SPPL2B: variants seen among roughly 807,000 people sequenced by gnomAD.
The protein encoded by SPPL2B is signal peptide peptidase like 2B.
A neutral mutation model predicts 59.7 loss-of-function variants in SPPL2B; 39 were observed. The observed-to-expected ratio is 0.65, with a 90% CI of 0.51 to 0.85. SPPL2B has a LOEUF of 0.85. Ranked by LOEUF, SPPL2B falls within the 40% of genes least tolerant of loss-of-function variation. The probability of loss-of-function intolerance (pLI) is 0.00; values close to 1 mark genes in which losing one functional copy is unlikely to be tolerated. For missense variants in SPPL2B, 865 were observed against 849.0 expected (o/e 1.02, Z -0.23); for synonymous variants, 419 against 370.8 (o/e 1.13, Z -1.49).
In SPPL2B at chr19:2,339,813, T is replaced by A; in HGVS notation, c.600-11T>A. Reference sequence around the variant, plus strand: ...GCCCCAGGGCCCCACGACCCCATGGTGTCTCCCAAGAAGGTACATGAAGCA... The same window carrying A: ...GCCCCAGGGCCCCACGACCCCATGGAGTCTCCCAAGAAGGTACATGAAGCA... On this transcript the variant is annotated splice_polypyrimidine_tract_variant and intron_variant, in intron 5 of 14. Transcript: ENST00000613503. 6.2e-7 allele frequency: 1 copy of A among 1,603,420 alleles called. No individual in the cohort carries two copies. Among genetic ancestry groups the A allele is most frequent in the Non-Finnish European group, 8.5e-7 (1 of 1,175,282 alleles).
At chr19:2,330,937 C>T (rs1968253071) in intron 1 of SPPL2B, among the ~76,000 whole-genome samples, 1 of 152,122 alleles carries the variant, frequency 6.6e-6, no homozygotes, top group African/African-American at 2.4e-5. Context: ...CCTGAGACGC[C>T]TGTCCCTGGA....
chr19:2,343,916 G>T, intron 9 of SPPL2B, 49 bp from the exon 10 acceptor site: 1 of 1,412,752 alleles, frequency 7.1e-7, no homozygotes. Context: ...ATGGGAGTGG[G>T]GGAGGCACGG....
intron 2 of SPPL2B, among the ~76,000 whole-genome samples, chr19:2,335,105 C>T (rs553623173): frequency 3.3e-5 from 5 of 152,264 alleles, no homozygotes; most frequent in Admixed American, 1.3e-4. Flanking sequence ...GACTGGGGCA[C>T]TAACACCTGC....
At chr19:2,334,831 C>T (rs1276511970) in intron 2 of SPPL2B, 110 bp downstream of exon 2, 2 of 1,367,268 alleles carry the variant, frequency 1.5e-6, no homozygotes, top group African/African-American at 3.0e-5. Flanking sequence ...GAGAGGCAGG[C>T]CCTGACCAGG....
intron 13 of SPPL2B, among the ~76,000 whole-genome samples, chr19:2,349,958 T>C (rs28887619): frequency 0.7 from 97,777 of 140,674 alleles, 34,547 homozygotes; most frequent in Non-Finnish European, 0.75. Flanking sequence ...TGCTTGATTC[T>C]GTTCTCTCTC....
At chr19:2,340,856 G>A (rs759565097) in intron 7 of SPPL2B, 42 bp from the exon 8 acceptor site, 123 of 1,300,082 alleles carry the variant, frequency 9.5e-5, no homozygotes, top group Middle Eastern at 2.1e-4. Flanking sequence ...GGATGAGGCC[G>A]GGAGCTGGTG....
At chr19:2,349,892 G>A (rs1357227025) in intron 13 of SPPL2B, among the ~76,000 whole-genome samples, 6 of 136,978 alleles carry the variant, frequency 4.4e-5, no homozygotes, top group African/African-American at 1.1e-4. Flanking sequence ...ACACACTCGC[G>A]CCCTCATTCG....
intron 13 of SPPL2B, among the ~76,000 whole-genome samples, chr19:2,346,282 G>A (rs891761716): frequency 2.6e-5 from 4 of 152,222 alleles, no homozygotes; most frequent in Admixed American, 6.5e-5. Context: ...AGTTCAGGCC[G>A]GCCTGTCCCC....
In SPPL2B at chr19:2,340,061, G is replaced by A; in HGVS notation, c.743-15G>A. On this transcript the variant is annotated splice_polypyrimidine_tract_variant and intron_variant, in intron 6 of 14. Coordinates refer to ENST00000613503, the MANE Select transcript of SPPL2B (RefSeq NM_152988.3). ...TGCGGGCCTGGCCCCCGGCCTCACG[G>A]CCCTGCCCCTGCAGTGTACGTGGTC... The A allele has an allele frequency of 1.3e-6, 2 of 1,584,774 alleles. No homozygotes were observed. Among genetic ancestry groups the A allele is most frequent in the East Asian group, 2.3e-5 (1 of 43,668 alleles).
At chr19:2,333,196 A>G (rs1278542845) in intron 1 of SPPL2B, among the ~76,000 whole-genome samples, 56 of 27,102 alleles carry the variant, frequency 2.1e-3, no homozygotes, top group African/African-American at 0.016. Context: ...GCTGGACTAG[A>G]CTCTGCTGGG....
rs1300035573 is a variant in SPPL2B at position 2,334,704 on chromosome 19, C to T, written c.169C>T (p.His57Tyr). ...CAACCCGCAGTGGGCCCATCTTCCG[C>T]ACGACCTCAGCAAGGCAGTGAGTAC... is the stretch of plus-strand genomic sequence containing the variant. ...LYNPQWAHLP[H>Y]DLSKASFLQL... The change falls in exon 2 of 15, where the codon CAC becomes TAC. Residue 57 changes from histidine (H) to tyrosine (Y), a missense_variant. Transcript: ENST00000613503. The T allele has an allele frequency of 6.2e-7, 1 of 1,609,294 alleles. No individual in the cohort carries two copies. Among genetic ancestry groups the T allele is most frequent in the Non-Finnish European group, 8.5e-7 (1 of 1,177,590 alleles).
chr19:2,333,734 C>G (rs1230839884), intron 1 of SPPL2B, among the ~76,000 whole-genome samples: 2 of 152,212 alleles, frequency 1.3e-5, no homozygotes, highest in African/African-American at 2.4e-5. Context: ...GTCAGGGGCT[C>G]CTGCCCGTGG....
chr19:2,348,924 T>C, intron 13 of SPPL2B, among the ~76,000 whole-genome samples: 1 of 148,366 alleles, frequency 6.7e-6, no homozygotes, highest in Non-Finnish European at 1.5e-5. Context: ...ATTCGCTTGA[T>C]TCTGTTCTCT....
intron 13 of SPPL2B, among the ~76,000 whole-genome samples, chr19:2,350,536 G>A (rs540016660): frequency 2.0e-5 from 3 of 152,316 alleles, no homozygotes; most frequent in Non-Finnish European, 4.4e-5. Flanking sequence ...ACGCTCCCCC[G>A]TGTACTGCAG....
intron 1 of SPPL2B, 54 bp downstream of exon 1, chr19:2,328,829 C>T: frequency 3.8e-6 from 5 of 1,316,082 alleles, no homozygotes; most frequent in Non-Finnish European, 3.9e-6. Flanking sequence ...TTCGGCCTCT[C>T]TGTCCCCGGG....
intron 3 of SPPL2B, 84 bp from the exon 4 acceptor site, chr19:2,338,668 A>T: frequency 1.1e-6 from 1 of 927,740 alleles, no homozygotes; most frequent in Non-Finnish European, 1.7e-6. Context: ...TGAGGGTCCC[A>T]GGAGAGGAGG....
chr19:2,344,308 C>A, intron 10 of SPPL2B, 54 bp from the exon 11 acceptor site: 1 of 592,764 alleles, frequency 1.7e-6, no homozygotes, highest in Non-Finnish European at 3.0e-6. Context: ...CACCCCACTC[C>A]CCTGCCCCCC....
chr19:2,352,415 G>A (rs989758276), intron 14 of SPPL2B, among the ~76,000 whole-genome samples: 5 of 152,190 alleles, frequency 3.3e-5, no homozygotes, highest in South Asian at 2.1e-4. Flanking sequence ...GGTGCTGGCC[G>A]CGCATGGGGT....
At position 2,344,026 on chromosome 19, in the gene SPPL2B, C is replaced by T. The variant is rs1327549137; in HGVS notation, c.1100C>T (p.Pro367Leu). Residue 367 changes from proline (P) to leucine (L), a missense_variant, in exon 10 of 15, where the codon CCC becomes CTC. Pro to Leu is a moderately conservative substitution (Grantham distance 98, BLOSUM62 -3). Coordinates refer to ENST00000613503, the MANE Select transcript of SPPL2B (RefSeq NM_152988.3). ...LYDIFFVFIT[P>L]FLTKSGSSIM... ...GACATCTTCTTCGTGTTCATCACGC[C>T]CTTCCTGACCAAGGTAGGCGACTGC... 2.6e-5 allele frequency: 40 copies of T among 1,547,854 alleles called. No individual in the cohort carries two copies. Among genetic ancestry groups the T allele is most frequent in the Non-Finnish European group, 3.3e-5 (38 of 1,146,462 alleles).
Sources: allele counts gnomAD v4.1 joint callset (sites outside exome capture counted in the v4.1 genomes callset), GRCh38; gene constraint gnomAD v4.1.1; transcripts MANE v1.5; gene names NCBI Gene and HGNC (gene_info 2026-07-23, HGNC 2026-07-21).